GRID2: variants seen among roughly 807,000 people sequenced by gnomAD.
GRID2 encodes the protein glutamate receptor ionotropic, delta-2.
GRID2 carries 33 observed loss-of-function variants against 114.8 expected under a neutral mutation model. The ratio of observed to expected loss-of-function variants is 0.29; its 90% CI spans 0.22 to 0.38. The LOEUF is 0.38. Ranked by LOEUF, GRID2 falls within the 10% of genes least tolerant of loss-of-function variation. The pLI is 1.00. For synonymous variants in GRID2, 505 were observed against 449.9 expected, an observed-to-expected ratio of 1.12 and a Z score of -1.55; for missense variants, 1,184 against 1,257.7, an observed-to-expected ratio of 0.94 and a Z score of 0.89.
At chr4:92,470,545 C>T (rs1228436268) in intron 1 of GRID2, among the ~76,000 whole-genome samples, 1 of 151,822 alleles carries the variant, frequency 6.6e-6, no homozygotes, top group African/African-American at 2.4e-5. Context: ...CTTTAATAGA[C>T]ACTATATTTG....
At chr4:92,570,499 A>G (rs1327026915) in intron 1 of GRID2, among the ~76,000 whole-genome samples, 1 of 152,020 alleles carries the variant, frequency 6.6e-6, no homozygotes, top group African/African-American at 2.4e-5. Context: ...AAGAATGCCA[A>G]TGTGAGTTTA....
intron 2 of GRID2, among the ~76,000 whole-genome samples, chr4:92,932,868 T>A (rs1750355182): frequency 1.3e-5 from 2 of 151,324 alleles, no homozygotes; most frequent in South Asian, 4.1e-4. Flanking sequence ...TTATACGGAA[T>A]TTGTAAAGTA....
chr4:93,061,311 G>T (rs1191336301), intron 2 of GRID2, among the ~76,000 whole-genome samples: 1 of 150,942 alleles, frequency 6.6e-6, no homozygotes, highest in Non-Finnish European at 1.5e-5. Context: ...GCTATGAAGG[G>T]CCAGCTCAGA....
At chr4:93,477,439 C>A (rs191744602) in intron 11 of GRID2, among the ~76,000 whole-genome samples, 1 of 152,150 alleles carries the variant, frequency 6.6e-6, no homozygotes, top group Non-Finnish European at 1.5e-5. Context: ...AGATGCAAAC[C>A]TATGAATTAG....
At chr4:93,310,047 A>G (rs1205230287) in intron 8 of GRID2, among the ~76,000 whole-genome samples, 2 of 152,124 alleles carry the variant, frequency 1.3e-5, no homozygotes, top group African/African-American at 4.8e-5. Flanking sequence ...ATATTCCACT[A>G]GAAGGGGGTA....
At chr4:93,531,021 A>G (rs1731385518) in intron 13 of GRID2, among the ~76,000 whole-genome samples, 1 of 152,166 alleles carries the variant, frequency 6.6e-6, no homozygotes, top group South Asian at 2.1e-4. Flanking sequence ...AAATGCTATC[A>G]GTCTTGTCTG....
intron 3 of GRID2, among the ~76,000 whole-genome samples, chr4:93,107,093 A>C (rs545967157): frequency 6.6e-6 from 1 of 152,174 alleles, no homozygotes; most frequent in African/African-American, 2.4e-5. Context: ...TGAGCTCAGC[A>C]GTTCAAATCA....
At chr4:92,680,700 T>C (rs1428226194) in intron 2 of GRID2, among the ~76,000 whole-genome samples, 1 of 152,122 alleles carries the variant, frequency 6.6e-6, no homozygotes, top group Non-Finnish European at 1.5e-5. Context: ...GAAGAATACA[T>C]GACAAGGGAG....
In GRID2 at chr4:92,392,742, T is replaced by C. The variant is rs538888916; in HGVS notation, c.88+87998T>C. 6.6e-5 allele frequency among the ~76,000 whole-genome samples: 10 copies of C among 152,300 alleles called. No individual in the cohort carries two copies. In the South Asian group the frequency reaches 2.1e-3, roughly 32 times the overall value. On this transcript the variant is annotated intron_variant, in intron 1 of 15. Coordinates refer to ENST00000282020, the MANE Select transcript of GRID2 (RefSeq NM_001510.4). ...TAGACATCATTCAAATATTATTTTG[T>C]GTCCCAGTAATATCATTCATACCTA...
intron 4 of GRID2, among the ~76,000 whole-genome samples, chr4:93,171,895 T>C (rs1290353635): frequency 6.6e-6 from 1 of 152,192 alleles, no homozygotes; most frequent in Non-Finnish European, 1.5e-5. Flanking sequence ...TGACCAGAGG[T>C]GTGTTAGTAA....
chr4:92,731,166 C>T (rs1009511393), intron 2 of GRID2, among the ~76,000 whole-genome samples: 1 of 151,728 alleles, frequency 6.6e-6, no homozygotes, highest in Non-Finnish European at 1.5e-5. Context: ...AAAAGCTCTT[C>T]ATCATTATAG....
chr4:92,909,077 G>A (rs1358147066), intron 2 of GRID2, among the ~76,000 whole-genome samples: 2 of 152,008 alleles, frequency 1.3e-5, no homozygotes, highest in Non-Finnish European at 2.9e-5. Flanking sequence ...TTATATACTT[G>A]TTTTTCAAAA....
chr4:92,686,716 T>C (rs1196521169), intron 2 of GRID2, among the ~76,000 whole-genome samples: 2 of 151,956 alleles, frequency 1.3e-5, no homozygotes, highest in Non-Finnish European at 2.9e-5. Context: ...TTTTATTCTT[T>C]AAAATTATTT....
chr4:92,434,168 C>G (rs537697610), intron 1 of GRID2, among the ~76,000 whole-genome samples: 1 of 152,268 alleles, frequency 6.6e-6, no homozygotes, highest in Non-Finnish European at 1.5e-5. Flanking sequence ...CACTGTGTGA[C>G]ATAATACAAT....
chr4:93,609,389 C>T (rs376600559), intron 13 of GRID2, among the ~76,000 whole-genome samples: 2 of 82,450 alleles, frequency 2.4e-5, no homozygotes, highest in Admixed American at 1.1e-4. Context: ...TCCTTGCCCA[C>T]GCCTATGTCC....
intron 2 of GRID2, among the ~76,000 whole-genome samples, chr4:92,965,449 G>T (rs1370379902): frequency 1.2e-4 from 5 of 40,026 alleles, no homozygotes; most frequent in Middle Eastern, 7.8e-3. Flanking sequence ...CATTCAATTT[G>T]TAAAAAAAAA....
chr4:93,061,984 A>G (rs1727851082), intron 2 of GRID2, among the ~76,000 whole-genome samples: 1 of 152,174 alleles, frequency 6.6e-6, no homozygotes, highest in South Asian at 2.1e-4. Flanking sequence ...ATTCTTAGAT[A>G]AGAGCACCTG....
intron 9 of GRID2, among the ~76,000 whole-genome samples, chr4:93,421,852 A>AC (rs1400559634): frequency 6.6e-6 from 1 of 152,128 alleles, no homozygotes; most frequent in Non-Finnish European, 1.5e-5. Flanking sequence ...CATTCAAAAA[A>AC]AAAAAAAAAC....
intron 10 of GRID2, among the ~76,000 whole-genome samples, chr4:93,450,298 G>C (rs1580120513): frequency 6.6e-6 from 1 of 151,676 alleles, no homozygotes; most frequent in South Asian, 2.1e-4. Context: ...CAGGGAAGCA[G>C]GTATTGATTC....
Sources: allele counts gnomAD v4.1 joint callset (sites outside exome capture counted in the v4.1 genomes callset), GRCh38; gene constraint gnomAD v4.1.1; transcripts MANE v1.5; gene names NCBI Gene and HGNC (gene_info 2026-07-23, HGNC 2026-07-21).